TNFRSF21: variants seen among roughly 807,000 people sequenced by gnomAD.
The protein encoded by TNFRSF21 is TNF receptor superfamily member 21.
Under a neutral mutation model 45.6 loss-of-function variants are expected in TNFRSF21, and 19 were observed. That is an observed-to-expected ratio of 0.42 (90% CI 0.29 to 0.61). TNFRSF21 has a LOEUF of 0.61. Among genes scored for constraint, TNFRSF21 ranks in the 20% least tolerant of loss-of-function variants. TNFRSF21 has a pLI of 0.23. For synonymous variants in TNFRSF21, 314 were observed against 335.5 expected (o/e 0.94, Z 0.70); for missense variants, 737 against 851.5 (o/e 0.87, Z 1.67).
chr6:47,301,660 C>T, intron 1 of TNFRSF21, among the ~76,000 whole-genome samples: 1 of 152,014 alleles, frequency 6.6e-6, no homozygotes, highest in Non-Finnish European at 1.5e-5. Flanking sequence ...GCTTAAAGAG[C>T]CTAGCACTTC....
chr6:47,252,093 G>A (rs773758131), intron 4 of TNFRSF21, among the ~76,000 whole-genome samples: 1 of 152,104 alleles, frequency 6.6e-6, no homozygotes, highest in African/African-American at 2.4e-5. Context: ...GAATTACTGC[G>A]CTATCAGTAT....
At chr6:47,246,292 C>G (rs922744788) in intron 4 of TNFRSF21, among the ~76,000 whole-genome samples, 5 of 152,176 alleles carry the variant, frequency 3.3e-5, no homozygotes, top group Non-Finnish European at 5.9e-5. Context: ...AAAAAAAGGA[C>G]AATGTAGAAT....
intron 3 of TNFRSF21, among the ~76,000 whole-genome samples, chr6:47,273,209 A>G (rs551398773): frequency 2.0e-4 from 31 of 152,234 alleles, no homozygotes; most frequent in Admixed American, 5.9e-4. Context: ...GAGACACAAC[A>G]AAAAAAGAGA....
rs768069063 is a variant in TNFRSF21 at position 47,286,258 on chromosome 6, G to A, written c.434C>T (p.Ala145Val). 5.0e-6 allele frequency: 8 copies of A among 1,614,074 alleles called. No individual in the cohort carries two copies. The highest frequency in any genetic ancestry group is 2.7e-5 in the African/African-American group (2 of 74,924). ...PGMFQSNATC[A>V]PHTVCPVGWG... ...ACCCACAGGACACACCGTATGGGGG[G>A]CACAGGTAGCGTTAGACTGGAACAT... Residue 145 changes from alanine to valine, a missense_variant, in exon 2 of 6, where the codon GCC becomes GTC. Coordinates refer to ENST00000296861, the MANE Select transcript of TNFRSF21 (RefSeq NM_014452.5).
At chr6:47,240,813 A>G (rs1314380812) in intron 4 of TNFRSF21, among the ~76,000 whole-genome samples, 1 of 152,234 alleles carries the variant, frequency 6.6e-6, no homozygotes, top group Non-Finnish European at 1.5e-5. Flanking sequence ...CCTCAACTGT[A>G]GCCAATAACT....
intron 4 of TNFRSF21, among the ~76,000 whole-genome samples, chr6:47,250,081 T>C (rs982303632): frequency 2.0e-5 from 3 of 152,130 alleles, no homozygotes; most frequent in Non-Finnish European, 4.4e-5. Flanking sequence ...GTAAACACAC[T>C]GAAATTCTCT....
Position 47,284,004 on chromosome 6 carries a change from C to A in TNFRSF21, c.1177G>T (p.Gly393Trp), listed in dbSNP as rs1216966019. 2 of 1,614,074 alleles carry A rather than the reference C, an allele frequency of 1.2e-6. No individual in the cohort carries two copies. Among genetic ancestry groups the A allele is most frequent in the Non-Finnish European group, 1.7e-6 (2 of 1,180,048 alleles). Residue 393 changes from glycine (G) to tryptophan (W), a missense_variant, in exon 3 of 6, where the codon GGG becomes TGG. Transcript: ENST00000296861. ...GTTGGAGTCATGGATTTCTTCAGCC[C>A]TGCCTTTTCCACAATGGCACTGGGA... The part of the protein sequence containing the change: ...QDPSAIVEKA[G>W]LKKSMTPTQN...
chr6:47,234,844 G>A lies in TNFRSF21; in HGVS notation c.1564C>T (p.Pro522Ser), dbSNP rs913254605. The A allele has an allele frequency of 2.0e-6, 3 of 1,513,758 alleles. No individual in the cohort carries two copies. The highest frequency in any genetic ancestry group is 2.9e-5 in the African/African-American group (2 of 69,962). The allele number at this position is 1,513,758 out of a possible 1,614,324, so 93.8% of individuals were successfully genotyped here. A position where few individuals can be genotyped will look rare whatever the true frequency, so the allele number is the denominator to read the frequency against. Reference sequence around the variant, plus strand: ...AGTTTCGCGTTGGGGCTGGGGATGGGGCTCGGGCTAAGCGGGCTGGGGCTC... The same window carrying A: ...AGTTTCGCGTTGGGGCTGGGGATGGAGCTCGGGCTAAGCGGGCTGGGGCTC... ...PMSPSPLSPS[P>S]IPSPNAKLEN... is the part of the protein sequence containing the mutation. Residue 522 changes from proline (P) to serine (S), a missense_variant, in exon 5 of 6, where the codon CCC becomes TCC. Pro to Ser is a moderately conservative substitution (Grantham distance 74, BLOSUM62 -1). Transcript: ENST00000296861.
chr6:47,285,825 C>T, intron 2 of TNFRSF21, 119 bp downstream of exon 2: 1 of 1,182,146 alleles, frequency 8.5e-7, no homozygotes, highest in African/African-American at 1.5e-5. Flanking sequence ...AGGCCTCTCT[C>T]CAAGGGGTGA....
chr6:47,274,062 A>C (rs367666045), intron 3 of TNFRSF21, among the ~76,000 whole-genome samples: 3 of 152,328 alleles, frequency 2.0e-5, no homozygotes, highest in Non-Finnish European at 4.4e-5. Flanking sequence ...CATACTGCCC[A>C]AAGTAATTTA....
intron 4 of TNFRSF21, among the ~76,000 whole-genome samples, chr6:47,239,834 T>A (rs1764720506): frequency 1.3e-5 from 2 of 152,162 alleles, no homozygotes; most frequent in African/African-American, 4.8e-5. Flanking sequence ...TGTCTTACTG[T>A]TGCTATTTCA....
chr6:47,232,760 A>G lies in TNFRSF21; in HGVS notation c.*5T>C, dbSNP rs770677580. The G allele has an allele frequency of 8.1e-6, 13 of 1,612,966 alleles. No homozygotes were observed. Among genetic ancestry groups the G allele is most frequent in the African/African-American group, 2.7e-5 (2 of 74,884 alleles). On this transcript the variant is annotated 3_prime_UTR_variant, in exon 6 of 6. Coordinates refer to ENST00000296861, the MANE Select transcript of TNFRSF21 (RefSeq NM_014452.5). ...GTAATTTCCAGAATGCAGTATCCCT[A>G]TGTTCTACAGCAGGTCAGGAAGATG...
chr6:47,244,872 C>T (rs890832405), intron 4 of TNFRSF21, among the ~76,000 whole-genome samples: 1 of 152,228 alleles, frequency 6.6e-6, no homozygotes, highest in Non-Finnish European at 1.5e-5. Flanking sequence ...CTGTTATTGA[C>T]ACTTGGGTTA....
intron 4 of TNFRSF21, among the ~76,000 whole-genome samples, chr6:47,246,380 A>G (rs1764825601): frequency 6.6e-6 from 1 of 152,216 alleles, no homozygotes; most frequent in Admixed American, 6.5e-5. Flanking sequence ...CTGGGCATTT[A>G]CACTCACCTC....
chr6:47,278,384 T>C (rs1762526495), intron 3 of TNFRSF21, among the ~76,000 whole-genome samples: 1 of 152,238 alleles, frequency 6.6e-6, no homozygotes, highest in African/African-American at 2.4e-5. Context: ...TGTATGATGA[T>C]GGCAATGTCC....
intron 3 of TNFRSF21, among the ~76,000 whole-genome samples, chr6:47,255,092 G>T (rs1764961077): frequency 6.6e-6 from 1 of 152,188 alleles, no homozygotes; most frequent in South Asian, 2.1e-4. Context: ...ACAGACAGCT[G>T]TCCCCAATGA....
chr6:47,275,699 A>G (rs1484126642), intron 3 of TNFRSF21, among the ~76,000 whole-genome samples: 1 of 152,178 alleles, frequency 6.6e-6, no homozygotes, highest in Admixed American at 6.5e-5. Flanking sequence ...CTAAAAGCAC[A>G]CAGAGTTATT....
chr6:47,286,714 A>T, intron 1 of TNFRSF21, 119 bp from the exon 2 acceptor site: 1 of 1,098,642 alleles, frequency 9.1e-7, no homozygotes, highest in East Asian at 2.6e-5. Flanking sequence ...TAAAGATCCG[A>T]CCAGGACTGC....
intron 1 of TNFRSF21, among the ~76,000 whole-genome samples, chr6:47,294,655 C>A (rs1201985323): frequency 6.6e-6 from 1 of 151,762 alleles, no homozygotes; most frequent in East Asian, 1.9e-4. Flanking sequence ...AGGTGACAAG[C>A]AAATGTATCA....
Sources: gnomAD v4.1 joint callset for allele counts (sites outside exome capture counted in the v4.1 genomes callset) on GRCh38, gnomAD v4.1.1 for gene constraint, MANE v1.5 for transcripts, NCBI Gene and HGNC (gene_info 2026-07-23, HGNC 2026-07-21) for gene names.